ADGRE2: variants seen among roughly 807,000 people sequenced by gnomAD.
The protein encoded by ADGRE2 is adhesion G protein-coupled receptor E2.
Under a neutral mutation model 100.8 loss-of-function variants are expected in ADGRE2, and 83 were observed. That is an observed-to-expected ratio of 0.82 (90% CI 0.69 to 0.99). The LOEUF is 0.99. ADGRE2 is among the 50% of genes least tolerant of loss of function. ADGRE2 has a pLI of 0.00. For missense variants in ADGRE2, 814 were observed against 1,035.7 expected, an observed-to-expected ratio of 0.79 and a Z score of 2.94; for synonymous variants, 355 against 413.0, an observed-to-expected ratio of 0.86 and a Z score of 1.70.
intron 17 of ADGRE2, 44 bp downstream of exon 17, chr19:14,746,852 G>T (rs754506183): frequency 7.0e-6 from 11 of 1,564,952 alleles, no homozygotes; most frequent in Non-Finnish European, 9.7e-6. Flanking sequence ...TTTTTCTAAT[G>T]ACCCTCAGCG....
At chr19:14,762,126 G>A (rs575760028) in intron 11 of ADGRE2, among the ~76,000 whole-genome samples, 33 of 152,124 alleles carry the variant, frequency 2.2e-4, no homozygotes, top group African/African-American at 5.5e-4. Context: ...GCTGTGTCAC[G>A]GGCCATGGTC....
downstream of ADGRE2, among the ~76,000 whole-genome samples, chr19:14,730,502 C>T (rs1033407858): frequency 1.3e-5 from 2 of 151,530 alleles, no homozygotes; most frequent in Admixed American, 6.6e-5. Flanking sequence ...CTTTTCCTTT[C>T]TCTATCTCCT....
intron 5 of ADGRE2, among the ~76,000 whole-genome samples, chr19:14,770,669 C>CTTTTCTTTTTCTTTTTTTT (rs1380079488): frequency 3.5e-5 from 3 of 85,010 alleles, no homozygotes; most frequent in East Asian, 4.3e-4. Flanking sequence ...TCTTTCTTTT[C>CTTTTCTTTTTCTTTTTTTT]TTTTTTTTTT....
intron 5 of ADGRE2, 153 bp downstream of exon 5, chr19:14,772,189 G>T: frequency 1.8e-6 from 2 of 1,101,676 alleles, no homozygotes; most frequent in Non-Finnish European, 2.6e-6. Flanking sequence ...GCCTCTCTGG[G>T]CTGGCGAAAC....
At chr19:14,747,067 G>A (rs576341117) in intron 16 of ADGRE2, 105 bp from the exon 17 acceptor site, 7 of 955,610 alleles carry the variant, frequency 7.3e-6, no homozygotes, top group South Asian at 2.8e-5. Context: ...TCCTTCCTAC[G>A]TCAACAATAT....
intron 20 of ADGRE2, 51 bp from the exon 21 acceptor site, chr19:14,736,295 C>T (rs762242389): frequency 1.7e-5 from 22 of 1,297,314 alleles, no homozygotes; most frequent in Non-Finnish European, 2.3e-5. Flanking sequence ...GAGTTTCACT[C>T]TTGTTGCCTG....
At chr19:14,763,075 C>T (rs545253354) in intron 11 of ADGRE2, among the ~76,000 whole-genome samples, 22 of 152,290 alleles carry the variant, frequency 1.4e-4, no homozygotes, top group Middle Eastern at 3.4e-3. Context: ...TGGTGGCTCA[C>T]GCCTGTAATC....
intron 11 of ADGRE2, among the ~76,000 whole-genome samples, chr19:14,762,619 A>T (rs1159446780): frequency 1.0e-4 from 4 of 39,882 alleles, no homozygotes; most frequent in African/African-American, 3.3e-4. Context: ...CGCTTTTAAA[A>T]TTTTTTCTTA....
chr19:14,728,820 C>T (rs2524364), downstream of ADGRE2, among the ~76,000 whole-genome samples: 47,256 of 152,082 alleles, frequency 0.31, 7,478 homozygotes, highest in Middle Eastern at 0.37. Context: ...GTGCCACCCA[C>T]GTCAATCAAG....
chr19:14,740,724 T>A (rs2042904449), intron 20 of ADGRE2, among the ~76,000 whole-genome samples: 2 of 151,202 alleles, frequency 1.3e-5, no homozygotes, highest in Middle Eastern at 3.2e-3. Context: ...TTCAAGACTT[T>A]AAAAAATTTA....
chr19:14,778,093 T>G (rs1568635226), intron 1 of ADGRE2, among the ~76,000 whole-genome samples, 164 bp downstream of exon 1: 2 of 152,248 alleles, frequency 1.3e-5, no homozygotes, highest in Non-Finnish European at 2.9e-5. Context: ...ATGGTTGAAC[T>G]AATTTACATT....
chr19:14,735,604 T>G lies in ADGRE2; in HGVS notation c.*632A>C, dbSNP rs2042732629. ...TTTATAAAATAGTTTATACTTCAAT[T>G]GCCTAGCAGTAGAAACCTGATTTCT... On this transcript the variant is annotated 3_prime_UTR_variant, in exon 21 of 21. Transcript: ENST00000315576. 1 of 152,168 alleles carries G rather than the reference T, an allele frequency of 6.6e-6. No homozygotes were observed. The allele number at this position is 152,168 out of a possible 1,614,324, so 9.4% of individuals were successfully genotyped here. A position where few individuals can be genotyped will look rare whatever the true frequency, so the allele number is the denominator to read the frequency against.
intron 4 of ADGRE2, among the ~76,000 whole-genome samples, chr19:14,773,080 C>CAAAAAAAAAAAAAAAGAAAAAAAAAAAAA (rs2044270768): frequency 2.2e-5 from 1 of 45,846 alleles, no homozygotes; most frequent in Non-Finnish European, 3.6e-5. Flanking sequence ...GACTCCATCT[C>CAAAAAAAAAAAAAAAGAAAAAAAAAAAAA]AAAAAAAAAA....
At chr19:14,728,191 C>A (rs2732802), downstream of ADGRE2, among the ~76,000 whole-genome samples, 1 of 151,948 alleles carries the variant, frequency 6.6e-6, no homozygotes, top group Non-Finnish European at 1.5e-5. Flanking sequence ...CCAGCCTGGG[C>A]GACAGAGCGA....
rs1426892535 is a variant in ADGRE2, at chr19:14,743,643, G to A, written c.2325C>T (p.Phe775=). 6.2e-7 allele frequency: 1 copy of A among 1,614,196 alleles called. No individual in the cohort carries two copies. The highest frequency in any genetic ancestry group is 1.7e-5 in the Admixed American group (1 of 60,014). Reference sequence around the variant, plus strand: ...GCTGGCTGAGGAGGCAGTACACCAGGAAGATGAAGACACCCTGCAGGCTGT... The same window carrying A: ...GCTGGCTGAGGAGGCAGTACACCAGAAAGATGAAGACACCCTGCAGGCTGT... The part of the protein sequence containing the change: ...IINSLQGVFI[F]LVYCLLSQQV... Residue 775 remains phenylalanine (F), a synonymous_variant, in exon 19 of 21, where the codon TTC becomes TTT. Coordinates refer to ENST00000315576, the MANE Select transcript of ADGRE2 (RefSeq NM_013447.4).
In ADGRE2 at chr19:14,755,297, A is replaced by C. The variant is rs1654833637; in HGVS notation, c.1417-170T>G. 1.7e-4 allele frequency among the ~76,000 whole-genome samples: 2 copies of C among 11,492 alleles called. 1 individual carries two copies. The highest frequency in any genetic ancestry group is 3.3e-4 in the Non-Finnish European group (2 of 6,142). The allele number at this position is 11,492 out of a possible 152,430, so 7.5% of individuals were successfully genotyped here. Reference sequence around the variant, plus strand: ...AAAAAAAAAAAAAAAAAAAAAAAATACAAAAATTAGCTGGGCGTGGTAGCA... The same window carrying C: ...AAAAAAAAAAAAAAAAAAAAAAAATCCAAAAATTAGCTGGGCGTGGTAGCA... On this transcript the variant is annotated intron_variant, in intron 13 of 20. Coordinates refer to ENST00000315576, the MANE Select transcript of ADGRE2 (RefSeq NM_013447.4).
At chr19:14,729,152 A>G (rs2042652223), downstream of ADGRE2, among the ~76,000 whole-genome samples, 1 of 152,206 alleles carries the variant, frequency 6.6e-6, no homozygotes, top group South Asian at 2.1e-4. Flanking sequence ...AGGCATAGAG[A>G]CAAGGAAGTT....
rs113809489 is a variant in ADGRE2, at chr19:14,773,131, G to GA, written c.200-635dup. ...AAAAAGAAAAAAGAAAAATAAGGGA[G>GA]AAAAAAAAACCTATGGCCAGAATGT... On this transcript the variant is annotated intron_variant, in intron 4 of 20. Transcript: ENST00000315576. Among the ~76,000 whole-genome samples the GA allele has an allele frequency of 3.6e-3, 470 of 130,018 alleles. 2 individuals carry two copies. Among genetic ancestry groups the GA allele is most frequent in the Non-Finnish European group, 5.4e-3 (323 of 59,836 alleles). The allele number at this position is 130,018 out of a possible 152,430, so 85.3% of individuals were successfully genotyped here.
chr19:14,737,633 A>T (rs1329072858), intron 20 of ADGRE2, among the ~76,000 whole-genome samples: 10 of 152,122 alleles, frequency 6.6e-5, no homozygotes, highest in Admixed American at 3.3e-4. Flanking sequence ...ACCCCAAGTT[A>T]CCAAAGTTAA....
Sources: allele counts gnomAD v4.1 joint callset (sites outside exome capture counted in the v4.1 genomes callset), GRCh38; gene constraint gnomAD v4.1.1; transcripts MANE v1.5; gene names NCBI Gene and HGNC (gene_info 2026-07-23, HGNC 2026-07-21).